FBN3: variants seen among roughly 807,000 people sequenced by gnomAD.
FBN3 encodes the protein fibrillin-3.
FBN3 carries 234 observed loss-of-function variants against 330.1 expected under a neutral mutation model. The ratio of observed to expected loss-of-function variants is 0.71; its 90% confidence interval spans 0.64 to 0.79. FBN3 has a LOEUF of 0.79. Ranked by LOEUF, FBN3 falls within the 30% of genes least tolerant of loss-of-function variation. FBN3 has a pLI of 0.00. For missense variants in FBN3, 3,606 were observed against 3,886.9 expected (o/e 0.93, Z 1.92); for synonymous variants, 1,458 against 1,517.3 (o/e 0.96, Z 0.91).
Position 8,091,607 on chromosome 19 carries a change from A to G in FBN3, c.5906-17T>C, listed in dbSNP as rs768939162. The G allele has an allele frequency of 6.2e-7, 1 of 1,613,310 alleles. No homozygotes were observed. The highest frequency in any genetic ancestry group is 8.5e-7 in the Non-Finnish European group (1 of 1,179,628). On this transcript the variant is annotated splice_polypyrimidine_tract_variant and intron_variant, in intron 47 of 63. Transcript: ENST00000600128. ...CGTCGATATCTGGAAGGGCAGGGAC[A>G]TGAGCTGGGTGGGGGGCAAGTAGGA... is the stretch of plus-strand genomic sequence containing the variant.
Position 8,095,393 on chromosome 19 carries a change from C to T in FBN3, c.5767G>A (p.Asp1923Asn), listed in dbSNP as rs1342683716. 7 of 1,613,028 alleles carry T rather than the reference C, an allele frequency of 4.3e-6. No individual in the cohort carries two copies. Among genetic ancestry groups the T allele is most frequent in the Non-Finnish European group, 5.9e-6 (7 of 1,179,370 alleles). Residue 1923 changes from aspartate (D) to asparagine (N), a missense_variant, in exon 46 of 64, where the codon GAT becomes AAT. Asp to Asn is a conservative substitution (Grantham distance 23). Transcript: ENST00000600128. ...LCQDGFELTA[D>N]GKNCVDTNEC... The stretch of plus-strand genomic sequence containing the variant: ...GACTCACCCACACAGTTCTTCCCAT[C>T]AGCTGTGAGCTCAAAGCCATCCTGG...
chr19:8,135,476 C>T (rs938315438), intron 13 of FBN3, among the ~76,000 whole-genome samples: 1 of 135,040 alleles, frequency 7.4e-6, no homozygotes, highest in African/African-American at 3.0e-5. Context: ...TGGGGTTTCA[C>T]CGTGTTGGTC....
chr19:8,108,159 C>T lies in FBN3; in HGVS notation c.4687+11G>A, dbSNP rs1228618826. The stretch of plus-strand genomic sequence containing the variant: ...GCAGACAGATGGATGGATGATCTGC[C>T]AGGAACTCACCTTCCAGAATGACAG... On this transcript the variant is annotated intron_variant, in intron 37 of 63. Transcript: ENST00000600128. 1 of 1,611,240 alleles carries T rather than the reference C, an allele frequency of 6.2e-7. No homozygotes were observed. Among genetic ancestry groups the T allele is most frequent in the Non-Finnish European group, 8.5e-7 (1 of 1,178,710 alleles).
intron 38 of FBN3, 22 bp from the exon 39 acceptor site, chr19:8,103,709 A>T (rs1470298365): frequency 6.2e-7 from 1 of 1,609,852 alleles, no homozygotes; most frequent in Admixed American, 1.7e-5. Context: ...GAAGGGGTGG[A>T]GGGGAACAGT....
intron 8 of FBN3, among the ~76,000 whole-genome samples, chr19:8,141,189 C>T (rs1310954526): frequency 4.8e-4 from 53 of 110,204 alleles, no homozygotes; most frequent in Middle Eastern, 9.1e-3. Context: ...AGCGAGACTC[C>T]GTCTCAAAAA....
intron 3 of FBN3, among the ~76,000 whole-genome samples, chr19:8,146,635 CAG>C (rs35157681): frequency 0.36 from 54,439 of 150,968 alleles, 10,698 homozygotes; most frequent in African/African-American, 0.52. Context: ...CTCAGAGAAA[CAG>C]AGAGAGAGAG....
chr19:8,087,223 C>A lies in FBN3; in HGVS notation c.6620-12G>T. The A allele has an allele frequency of 6.4e-7, 1 of 1,573,498 alleles. No individual in the cohort carries two copies. Among genetic ancestry groups the A allele is most frequent in the Non-Finnish European group, 8.6e-7 (1 of 1,162,110 alleles). ...ACACTCGTCCACATCTTCGGATGACCAGAGACAGATGGTCAGTCAAGGCCA... is the reference window on the plus strand; with the variant it reads ...ACACTCGTCCACATCTTCGGATGACAAGAGACAGATGGTCAGTCAAGGCCA... On this transcript the variant is annotated splice_polypyrimidine_tract_variant and intron_variant, in intron 53 of 63. Coordinates refer to ENST00000600128, the MANE Select transcript of FBN3 (RefSeq NM_032447.5).
intron 13 of FBN3, among the ~76,000 whole-genome samples, chr19:8,134,029 A>G (rs1271485951): frequency 6.7e-6 from 1 of 150,344 alleles, no homozygotes; most frequent in Non-Finnish European, 1.5e-5. Context: ...GATCGAGACC[A>G]TCCTGGCTAA....
At position 8,121,402 on chromosome 19, in the gene FBN3, G is replaced by A. The variant is rs1254036031; in HGVS notation, c.3083-16C>T. The A allele has an allele frequency of 2.5e-6, 4 of 1,584,364 alleles. No homozygotes were observed. The highest frequency in any genetic ancestry group is 1.1e-5 in the South Asian group (1 of 87,194). Reference sequence around the variant, plus strand: ...TCGTCGATATCTGTGGGGAGAGGGGGCAGAGGCCGGAGGCGCCATGTGGGC... The same window carrying A: ...TCGTCGATATCTGTGGGGAGAGGGGACAGAGGCCGGAGGCGCCATGTGGGC... On this transcript the variant is annotated splice_polypyrimidine_tract_variant and intron_variant, in intron 24 of 63. Coordinates refer to ENST00000600128, the MANE Select transcript of FBN3 (RefSeq NM_032447.5). This position sits in a 1 kb window ranked among gnomAD's most constrained non-coding sequence, Gnocchi z 4.5.
chr19:8,128,239 T>G (rs1375985966), intron 18 of FBN3, among the ~76,000 whole-genome samples: 1 of 152,112 alleles, frequency 6.6e-6, no homozygotes, highest in Admixed American at 6.6e-5. Context: ...CAACCATGTG[T>G]GACTGGGACT....
chr19:8,087,236 T>C (rs1440677746), intron 53 of FBN3, 25 bp from the exon 54 acceptor site: 1 of 1,559,976 alleles, frequency 6.4e-7, no homozygotes, highest in Non-Finnish European at 8.6e-7. Context: ...AGACAGATGG[T>C]CAGTCAAGGC....
chr19:8,118,833 A>G (rs1030043428), intron 26 of FBN3, 64 bp downstream of exon 26: 12 of 1,564,714 alleles, frequency 7.7e-6, no homozygotes, highest in South Asian at 1.2e-5. Context: ...CATTCACCAG[A>G]CATCCACTCA....
Position 8,066,269 on chromosome 19 carries a change from A to G in FBN3, c.8089-9T>C. On this transcript the variant is annotated splice_polypyrimidine_tract_variant and intron_variant, in intron 63 of 63. Coordinates refer to ENST00000600128, the MANE Select transcript of FBN3 (RefSeq NM_032447.5). ...AGGGTGGCCAGGTTCACCTGGGAAG[A>G]AAGGCCAGGTGTGTGGTCAGAGCCC... 6.5e-7 allele frequency: 1 copy of G among 1,526,802 alleles called. No individual in the cohort carries two copies. Among genetic ancestry groups the G allele is most frequent in the South Asian group, 1.2e-5 (1 of 82,110 alleles). 94.6% of individuals were successfully genotyped at this position (1,526,802 alleles called of 1,614,324 possible). A position where few individuals can be genotyped will look rare whatever the true frequency, so the allele number is the denominator to read the frequency against.
At position 8,146,153 on chromosome 19, in the gene FBN3, A is replaced by G. The variant is rs1483886350; in HGVS notation, c.323T>C (p.Leu108Pro). 2.5e-6 allele frequency: 4 copies of G among 1,600,904 alleles called. No homozygotes were observed. Among genetic ancestry groups the G allele is most frequent in the Middle Eastern group, 1.7e-4 (1 of 6,050 alleles). ...TCGGCTCACCCCGCAGCTGGGAGCC[A>G]GCGTCCCATCCGCACAGGTGCACAG... ...PNLCTCADGT[L>P]APSCGVSRGS... Residue 108 changes from leucine to proline, a missense_variant, in exon 4 of 64, where the codon CTG (leucine) becomes CCG (proline). By Grantham distance (98) the Leu-to-Pro change is moderately conservative (BLOSUM62 -3). Transcript: ENST00000600128.
rs572752955 is a variant in FBN3 at position 8,078,071 on chromosome 19, C to A, written c.7454-2660G>T. Among the ~76,000 whole-genome samples, 504 of 152,248 alleles carry A rather than the reference C, an allele frequency of 3.3e-3. 2 individuals carry two copies. The highest frequency in any genetic ancestry group is 6.3e-3 in the Non-Finnish European group (428 of 67,996). ...CCAGCCTGGGCGACAGAGCAAGACT[C>A]CATCTCAAAAATTAAAAACAGAAAT... On this transcript the variant is annotated intron_variant, in intron 59 of 63. Transcript: ENST00000600128.
Position 8,096,969 on chromosome 19 carries a change from C to A in FBN3, c.5325G>T (p.Gln1775His), listed in dbSNP as rs148256329. Residue 1775 changes from glutamine (Q) to histidine (H), a missense_variant, in exon 43 of 64, where the codon CAG becomes CAT. Physicochemically the swap from Gln to His is conservative, Grantham distance 24. Transcript: ENST00000600128. This position sits in a 1 kb window ranked among gnomAD's most constrained non-coding sequence, Gnocchi z 4.6. ...DECGSRESPC[Q>H]QNADCINIPG... ...GGATGTTGATGCAGTCAGCATTCTG[C>A]TGGCAGGGACTCTCCCTGCTGCCAC... is the stretch of plus-strand genomic sequence containing the variant. 2.5e-6 allele frequency: 4 copies of A among 1,613,694 alleles called. No individual in the cohort carries two copies. Among genetic ancestry groups the A allele is most frequent in the South Asian group, 2.2e-5 (2 of 91,080 alleles).
At chr19:8,133,819 T>C (rs1158887883) in intron 13 of FBN3, among the ~76,000 whole-genome samples, 2 of 151,758 alleles carry the variant, frequency 1.3e-5, no homozygotes, top group East Asian at 3.9e-4. Context: ...AAAAAGGAAA[T>C]GGAAATAAAG....
chr19:8,112,244 CT>C, intron 30 of FBN3, 145 bp from the exon 31 acceptor site: 1 of 787,996 alleles, frequency 1.3e-6, no homozygotes, highest in Middle Eastern at 2.9e-4. Context: ...GAGCTTCCAT[CT>C]TTACCCAGAG....
At chr19:8,139,558 T>G (rs2083364985) in intron 8 of FBN3, among the ~76,000 whole-genome samples, 1 of 151,656 alleles carries the variant, frequency 6.6e-6, no homozygotes, top group South Asian at 2.1e-4. Flanking sequence ...CAGCTGTGTG[T>G]CTTTGCTTGC....
Sources: gnomAD v4.1 joint callset for allele counts (sites outside exome capture counted in the v4.1 genomes callset) on GRCh38, gnomAD v4.1.1 for gene constraint, Gnocchi (gnomAD v3.1) non-coding constraint, MANE v1.5 for transcripts, NCBI Gene and HGNC (gene_info 2026-07-23, HGNC 2026-07-21) for gene names.